GALNT8: variants seen among roughly 807,000 people sequenced by gnomAD.
GALNT8 encodes the protein probable polypeptide N-acetylgalactosaminyltransferase 8.
In GALNT8, 66 loss-of-function variants were observed where a neutral mutation model predicts 62.7. The observed-to-expected ratio is 1.05, with a 90% confidence interval of 0.86 to 1.29. The LOEUF (loss-of-function observed/expected upper bound fraction) is 1.29, where lower values mean the gene tolerates loss of function less well. Ranked by LOEUF, GALNT8 falls within the 50% of genes most tolerant of loss-of-function variation. GALNT8 has a pLI of 0.00. For synonymous variants in GALNT8, 288 were observed against 294.3 expected (o/e 0.98, Z 0.22); for missense variants, 771 against 791.8 (o/e 0.97, Z 0.32).
intron 10 of GALNT8, among the ~76,000 whole-genome samples, chr12:4,769,930 A>G (rs966401791): frequency 5.3e-5 from 8 of 152,174 alleles, no homozygotes; most frequent in African/African-American, 1.4e-4. Flanking sequence ...AGAAGCATCT[A>G]TTACTTTTGT....
At chr12:4,751,893 T>C (rs1013819002) in intron 6 of GALNT8, among the ~76,000 whole-genome samples, 2 of 152,134 alleles carry the variant, frequency 1.3e-5, no homozygotes, top group African/African-American at 4.8e-5. Flanking sequence ...ATCTCTCTAT[T>C]TAGCTCTAAT....
chr12:4,768,487 G>A, intron 10 of GALNT8: 1 of 354,650 alleles, frequency 2.8e-6, no homozygotes, highest in Non-Finnish European at 5.7e-6. Flanking sequence ...ACATTTTGAA[G>A]GTTGCCTTGC....
At chr12:4,730,888 G>A (rs1173570416) in intron 2 of GALNT8, among the ~76,000 whole-genome samples, 5 of 141,112 alleles carry the variant, frequency 3.5e-5, no homozygotes, top group Non-Finnish European at 7.6e-5. Flanking sequence ...TTTTTGAGAC[G>A]GAGTCTCTCT....
intron 2 of GALNT8, among the ~76,000 whole-genome samples, chr12:4,734,086 A>G (rs145007153): frequency 1.1e-3 from 161 of 152,356 alleles, no homozygotes; most frequent in African/African-American, 3.3e-3. Context: ...CTGAGCCCTT[A>G]TGCACATTAC....
intron 2 of GALNT8, among the ~76,000 whole-genome samples, chr12:4,733,513 G>T (rs572993023): frequency 5.9e-5 from 9 of 152,318 alleles, no homozygotes; most frequent in Non-Finnish European, 1.2e-4. Context: ...TGAAGTCACT[G>T]ATGTGATTAT....
chr12:4,739,982 A>T (rs1164700940), intron 3 of GALNT8, among the ~76,000 whole-genome samples: 1 of 151,960 alleles, frequency 6.6e-6, no homozygotes, highest in Non-Finnish European at 1.5e-5. Flanking sequence ...TGCCCCTCTT[A>T]TGCACCATGA....
At chr12:4,747,903 T>C (rs111341996) in intron 6 of GALNT8, among the ~76,000 whole-genome samples, 7,951 of 152,220 alleles carry the variant, frequency 0.052, 300 homozygotes, top group East Asian at 0.2. Flanking sequence ...CTTTTGGATA[T>C]AAGCCATTTT....
At chr12:4,746,047 T>A in intron 5 of GALNT8, 97 bp from the exon 6 acceptor site, 1 of 711,766 alleles carries the variant, frequency 1.4e-6, no homozygotes, top group Non-Finnish European at 2.5e-6. Context: ...AGAACAGACT[T>A]AGGTAGAGTT....
chr12:4,729,134 GT>G (rs35780297), intron 2 of GALNT8, among the ~76,000 whole-genome samples: 2 of 54,088 alleles, frequency 3.7e-5, no homozygotes, highest in Non-Finnish European at 8.6e-5. Context: ...AAATGTGACT[GT>G]TTTTAAAAAT....
chr12:4,730,826 T>A (rs1281819164), intron 2 of GALNT8, among the ~76,000 whole-genome samples: 1 of 152,068 alleles, frequency 6.6e-6, no homozygotes, highest in Non-Finnish European at 1.5e-5. Flanking sequence ...TTAACAGTAT[T>A]AATTCTTCCA....
In GALNT8 at chr12:4,720,846, A is replaced by G. The variant is rs760625126; in HGVS notation, c.169A>G (p.Ile57Val). The change falls in exon 1 of 11, where the codon ATA (isoleucine) becomes GTA (valine). Residue 57 changes from isoleucine (I) to valine (V), a missense_variant. Physicochemically the swap from Ile to Val is conservative, Grantham distance 29 (BLOSUM62 3). Coordinates refer to ENST00000252318, the MANE Select transcript of GALNT8 (RefSeq NM_017417.2). ...TCTGAATAAACGCTACGGGGCAGTG[A>G]TAAAGAGACTCTCCCACTTGGAGGT... ...LHLNKRYGAV[I>V]KRLSHLEVEL... The G allele has an allele frequency of 6.2e-6, 10 of 1,610,114 alleles. No homozygotes were observed. Among genetic ancestry groups the G allele is most frequent in the Non-Finnish European group, 8.5e-6 (10 of 1,176,472 alleles).
At chr12:4,734,275 G>A (rs1411167578) in intron 2 of GALNT8, among the ~76,000 whole-genome samples, 2 of 152,162 alleles carry the variant, frequency 1.3e-5, no homozygotes, top group Non-Finnish European at 2.9e-5. Flanking sequence ...GTGAACACAG[G>A]TCTTTCTGGA....
In GALNT8 at chr12:4,749,178, C is replaced by A. The variant is rs1946312620; in HGVS notation, c.1173+2920C>A. On this transcript the variant is annotated intron_variant, in intron 6 of 10. Coordinates refer to ENST00000252318, the MANE Select transcript of GALNT8 (RefSeq NM_017417.2). The surrounding 1 kb of genome is among the most constrained non-coding windows in gnomAD (Gnocchi z 4.1). The stretch of plus-strand genomic sequence containing the variant: ...AAGGGTAACTTGAACTTCATCCATT[C>A]CAACTTGGATGCCTTTATTTATTTC... 6.6e-6 allele frequency among the ~76,000 whole-genome samples: 1 copy of A among 152,120 alleles called. No homozygotes were observed. Among genetic ancestry groups the A allele is most frequent in the Non-Finnish European group, 1.5e-5 (1 of 68,010 alleles).
chr12:4,731,993 TA>T (rs1946223923), intron 2 of GALNT8, among the ~76,000 whole-genome samples: 1 of 152,170 alleles, frequency 6.6e-6, no homozygotes, highest in Admixed American at 6.5e-5. Flanking sequence ...ATGAAATCAA[TA>T]GGGGAGACCT....
chr12:4,759,069 C>A (rs1289134494), intron 6 of GALNT8, among the ~76,000 whole-genome samples: 1 of 152,176 alleles, frequency 6.6e-6, no homozygotes, highest in Non-Finnish European at 1.5e-5. Flanking sequence ...AACCACCACA[C>A]CTGGCCTCAG....
At chr12:4,734,665 G>A (rs773838110) in intron 2 of GALNT8, among the ~76,000 whole-genome samples, 7 of 118,832 alleles carry the variant, frequency 5.9e-5, no homozygotes, top group Non-Finnish European at 1.4e-4. Flanking sequence ...AGCCTGAATG[G>A]TTTCTTTAAA....
At chr12:4,752,763 G>A (rs1308994625) in intron 6 of GALNT8, among the ~76,000 whole-genome samples, 1 of 152,138 alleles carries the variant, frequency 6.6e-6, no homozygotes, top group Non-Finnish European at 1.5e-5. Flanking sequence ...ACTATCACCA[G>A]TGAATTTTAT....
In GALNT8 at chr12:4,739,238, C is replaced by T; in HGVS notation, c.585C>T (p.Ser195=). The T allele has an allele frequency of 6.2e-7, 1 of 1,612,626 alleles. No homozygotes were observed. Among genetic ancestry groups the T allele is most frequent in the South Asian group, 1.1e-5 (1 of 91,046 alleles). ...TCATATTCGTGAATGAAGCTCTGTCCATTATACAACGGGCCATCACCAGTA... is the reference window on the plus strand; with the variant it reads ...TCATATTCGTGAATGAAGCTCTGTCTATTATACAACGGGCCATCACCAGTA... ...VILIFVNEAL[S]IIQRAITSII... Residue 195 remains serine (S), a synonymous_variant, in exon 3 of 11, where the codon TCC becomes TCT. Transcript: ENST00000252318.
intron 2 of GALNT8, among the ~76,000 whole-genome samples, chr12:4,729,437 C>T (rs577385668): frequency 2.6e-5 from 4 of 152,228 alleles, no homozygotes; most frequent in African/African-American, 4.8e-5. Context: ...CTTCGCCCAG[C>T]CCCCACCCTG....
Sources: allele counts gnomAD v4.1 joint callset (sites outside exome capture counted in the v4.1 genomes callset), GRCh38; gene constraint gnomAD v4.1.1; non-coding constraint Gnocchi (gnomAD v3.1); transcripts MANE v1.5; gene names NCBI Gene and HGNC (gene_info 2026-07-23, HGNC 2026-07-21).